SDK1: variants seen among roughly 807,000 people sequenced by gnomAD.
The protein encoded by SDK1 is protein sidekick-1.
A neutral mutation model predicts 245.5 loss-of-function variants in SDK1; 157 were observed. The observed-to-expected ratio is 0.64, with a 90% confidence interval of 0.56 to 0.73. The LOEUF (loss-of-function observed/expected upper bound fraction) is 0.73. Among genes scored for constraint, SDK1 ranks in the 30% least tolerant of loss-of-function variants. The pLI is 0.00. For synonymous variants in SDK1, 1,647 were observed against 1,278.5 expected, an observed-to-expected ratio of 1.29 and a Z score of -6.15; for missense variants, 3,583 against 3,002.3, an observed-to-expected ratio of 1.19 and a Z score of -4.52.
At chr7:3,554,430 C>T (rs34108699) in intron 1 of SDK1, among the ~76,000 whole-genome samples, 31,053 of 151,968 alleles carry the variant, frequency 0.2, 3,439 homozygotes, top group South Asian at 0.35. Context: ...ATATTTGGGA[C>T]GCAGGTAAAG....
chr7:4,101,144 C>T lies in SDK1; in HGVS notation c.3325-9519C>T, dbSNP rs184374535. ...TGTTTGTTTTAAGGTAGCAAGGACA[C>T]TTGCATTTTTTTTTTTTTTTTTGAG... On this transcript the variant is annotated intron_variant, in intron 22 of 44. Coordinates refer to ENST00000404826, the MANE Select transcript of SDK1 (RefSeq NM_152744.4). Among the ~76,000 whole-genome samples the T allele has an allele frequency of 4.0e-5, 6 of 148,924 alleles. 1 individual carries two copies. The highest frequency in any genetic ancestry group is 8.9e-5 in the Non-Finnish European group (6 of 67,476).
At position 3,638,980 on chromosome 7, in the gene SDK1, A is replaced by G. The variant is rs1310232147; in HGVS notation, c.459-24A>G. 2.0e-6 allele frequency: 3 copies of G among 1,481,522 alleles called. No individual in the cohort carries two copies. The Admixed American group carries it at 5.3e-5, about 26-fold the overall frequency. The allele number at this position is 1,481,522 out of a possible 1,614,324, so 91.8% of individuals were successfully genotyped here. On this transcript the variant is annotated intron_variant, in intron 2 of 44. Coordinates refer to ENST00000404826, the MANE Select transcript of SDK1 (RefSeq NM_152744.4). The stretch of plus-strand genomic sequence containing the variant: ...CATGAAACACTGGATATAAGCATTA[A>G]CACTTCTTTTTGCTATTCAACAGGT...
At chr7:3,463,748 A>G (rs913420300) in intron 1 of SDK1, among the ~76,000 whole-genome samples, 2 of 152,190 alleles carry the variant, frequency 1.3e-5, no homozygotes, top group Non-Finnish European at 2.9e-5. Flanking sequence ...CACTCCTTGA[A>G]TGCTGGTCTC....
intron 1 of SDK1, among the ~76,000 whole-genome samples, chr7:3,368,048 A>G (rs1343793281): frequency 6.6e-6 from 1 of 152,242 alleles, no homozygotes; most frequent in Admixed American, 6.5e-5. Context: ...TGCAGAAGTT[A>G]TAATTCTAAG....
chr7:4,168,944 G>C (rs1781666095), intron 32 of SDK1, among the ~76,000 whole-genome samples: 1 of 152,174 alleles, frequency 6.6e-6, no homozygotes, highest in Non-Finnish European at 1.5e-5. Flanking sequence ...GCAAGGACAG[G>C]ACTCCCAGCA....
At chr7:3,933,123 C>CTTTTTTTTTTTT (rs11364780) in intron 5 of SDK1, among the ~76,000 whole-genome samples, 4 of 83,260 alleles carry the variant, frequency 4.8e-5, no homozygotes, top group African/African-American at 1.7e-4. Context: ...GCTCCTGGAT[C>CTTTTTTTTTTTT]TTTTTTTTTT....
chr7:3,801,504 G>C (rs915945702), intron 4 of SDK1, among the ~76,000 whole-genome samples: 6 of 152,136 alleles, frequency 3.9e-5, no homozygotes, highest in East Asian at 1.9e-4. Flanking sequence ...GACCATTGTA[G>C]ATTGTCATTG....
chr7:4,067,769 C>T lies in SDK1; in HGVS notation c.2912-69C>T, dbSNP rs1384114892. On this transcript the variant is annotated intron_variant, in intron 19 of 44. Coordinates refer to ENST00000404826, the MANE Select transcript of SDK1 (RefSeq NM_152744.4). Reference sequence around the variant, plus strand: ...ACTTTCCTTCCATAGTTAGAACCTTCCCCACACATCTGATCAAAAGAAAAT... The same window carrying T: ...ACTTTCCTTCCATAGTTAGAACCTTTCCCACACATCTGATCAAAAGAAAAT... The T allele has an allele frequency of 7.0e-6, 8 of 1,140,726 alleles. No individual in the cohort carries two copies. In the East Asian group the frequency reaches 2.0e-4, roughly 28 times the overall value. The allele number at this position is 1,140,726 out of a possible 1,614,324, so 70.7% of individuals were successfully genotyped here.
At chr7:3,953,245 T>G (rs1780976251) in intron 7 of SDK1, among the ~76,000 whole-genome samples, 1 of 152,230 alleles carries the variant, frequency 6.6e-6, no homozygotes, top group Non-Finnish European at 1.5e-5. Context: ...TGGTTTACCT[T>G]GATCACGTCC....
chr7:4,054,328 T>C (rs535120685), intron 19 of SDK1, among the ~76,000 whole-genome samples: 1 of 152,328 alleles, frequency 6.6e-6, no homozygotes, highest in South Asian at 2.1e-4. Flanking sequence ...TTAGCCCAGT[T>C]TCTGCCAAGC....
chr7:3,715,299 C>A (rs1004343000), intron 4 of SDK1, among the ~76,000 whole-genome samples: 4 of 152,014 alleles, frequency 2.6e-5, no homozygotes, highest in African/African-American at 4.8e-5. Context: ...TATCCACTTA[C>A]CAGAAATTTT....
chr7:4,203,309 C>G (rs1483858911), intron 35 of SDK1, among the ~76,000 whole-genome samples: 1 of 152,156 alleles, frequency 6.6e-6, no homozygotes, highest in Non-Finnish European at 1.5e-5. Context: ...ATCCCTCTCC[C>G]AGGCCGCAGA....
rs774635089 is a variant in SDK1 at position 3,914,198 on chromosome 7, G to T, written c.848-36725G>T. 7.2e-4 allele frequency among the ~76,000 whole-genome samples: 109 copies of T among 152,314 alleles called. 1 individual carries two copies. The highest frequency in any genetic ancestry group is 3.4e-3 in the Middle Eastern group (1 of 294). On this transcript the variant is annotated intron_variant, in intron 5 of 44. Coordinates refer to ENST00000404826, the MANE Select transcript of SDK1 (RefSeq NM_152744.4). ...ATTTATGCCTTTATCATAATTAGGT[G>T]CAAGTTGCTGCTGCAATATGCTTGT... is the stretch of plus-strand genomic sequence containing the variant.
intron 4 of SDK1, among the ~76,000 whole-genome samples, chr7:3,725,301 GGACTTT>G (rs1778976334): frequency 6.6e-6 from 1 of 152,160 alleles, no homozygotes; most frequent in Non-Finnish European, 1.5e-5. Flanking sequence ...ATGGATCTCA[GGACTTT>G]GAGTGAGGAA....
intron 14 of SDK1, among the ~76,000 whole-genome samples, chr7:4,005,976 G>A (rs929010877): frequency 6.6e-6 from 1 of 152,202 alleles, no homozygotes; most frequent in Non-Finnish European, 1.5e-5. Flanking sequence ...ACTAAGGCAG[G>A]AGGATCGCTT....
Position 4,221,240 on chromosome 7 carries a change from A to C in SDK1, c.5703A>C (p.Gly1901=). ...TCTCTTTTCTTCTTTATCCCGCAGGATCCCCGGGCTCGCCTAGAGATGTCC... is the reference window on the plus strand; with the variant it reads ...TCTCTTTTCTTCTTTATCCCGCAGGCTCCCCGGGCTCGCCTAGAGATGTCC... The part of the protein sequence containing the change: ...QANITAGPAE[G]SPGSPRDVLV... Residue 1901 remains glycine (G), a splice_region_variant and synonymous_variant, in exon 40 of 45, where the codon GGA becomes GGC. Coordinates refer to ENST00000404826, the MANE Select transcript of SDK1 (RefSeq NM_152744.4). The C allele has an allele frequency of 6.2e-7, 1 of 1,613,346 alleles. No homozygotes were observed. The highest frequency in any genetic ancestry group is 8.5e-7 in the Non-Finnish European group (1 of 1,179,956).
chr7:3,339,175 G>GAATA (rs35119914), intron 1 of SDK1, among the ~76,000 whole-genome samples: 68,864 of 151,352 alleles, frequency 0.45, 15,660 homozygotes, highest in East Asian at 0.55. Context: ...AATAATTTCA[G>GAATA]AATAAATTAA....
At chr7:4,049,265 G>C in intron 17 of SDK1, 83 bp from the exon 18 acceptor site, 2 of 998,278 alleles carry the variant, frequency 2.0e-6, no homozygotes, top group South Asian at 1.4e-5. Flanking sequence ...CATGATGGCA[G>C]CTAAGGGTTT....
At chr7:4,199,117 A>G (rs1480573667) in intron 35 of SDK1, among the ~76,000 whole-genome samples, 1 of 152,126 alleles carries the variant, frequency 6.6e-6, no homozygotes, top group Non-Finnish European at 1.5e-5. Context: ...ACCCGGCCTC[A>G]GTTTTCTAAA....
Sources: gnomAD v4.1 joint callset for allele counts (sites outside exome capture counted in the v4.1 genomes callset) on GRCh38, gnomAD v4.1.1 for gene constraint, MANE v1.5 for transcripts, NCBI Gene and HGNC (gene_info 2026-07-23, HGNC 2026-07-21) for gene names.